Variants in FSIP2 observed in about 807,000 individuals in gnomAD.
FSIP2 encodes the protein fibrous sheath-interacting protein 2.
FSIP2 carries 367 observed loss-of-function variants against 510.5 expected under a neutral mutation model. The ratio of observed to expected loss-of-function variants is 0.72; its 90% CI spans 0.66 to 0.78. FSIP2 has a LOEUF of 0.78. Among genes scored for constraint, FSIP2 ranks in the 30% least tolerant of loss-of-function variants. The probability of loss-of-function intolerance (pLI) is 0.00; values close to 1 mark genes in which losing one functional copy is unlikely to be tolerated. For synonymous variants in FSIP2, 2,601 were observed against 2,732.2 expected, an observed-to-expected ratio of 0.95 and a Z score of 1.50; for missense variants, 7,594 against 7,901.7, an observed-to-expected ratio of 0.96 and a Z score of 1.48.
At chr2:185,749,380 T>A (rs1442169324) in intron 7 of FSIP2, among the ~76,000 whole-genome samples, 2 of 151,990 alleles carry the variant, frequency 1.3e-5, no homozygotes, top group Non-Finnish European at 2.9e-5. Flanking sequence ...CATAAATTCA[T>A]CCCTAGGTAT....
Position 185,805,106 on chromosome 2 carries a change from C to G in FSIP2, c.15800C>G (p.Thr5267Arg). Reference sequence around the variant, plus strand: ...CTTGCTAAATCTGGTAAAGAAAAGACACAGCCTTCTCTCTATTCAGCTACA... The same window carrying G: ...CTTGCTAAATCTGGTAAAGAAAAGAGACAGCCTTCTCTCTATTCAGCTACA... ...SELAKSGKEKTQPSLYSATFL... is the reference protein window; with the variant it reads ...SELAKSGKEKRQPSLYSATFL... Residue 5267 changes from threonine (T) to arginine (R), a missense_variant, in exon 17 of 23, where the codon ACA becomes AGA. Transcript: ENST00000424728. 1.2e-6 allele frequency: 2 copies of G among 1,607,148 alleles called. No individual in the cohort carries two copies. The highest frequency in any genetic ancestry group is 1.7e-6 in the Non-Finnish European group (2 of 1,177,166).
At position 185,806,082 on chromosome 2, in the gene FSIP2, T is replaced by A; in HGVS notation, c.16776T>A (p.Asp5592Glu). 1 of 1,572,892 alleles carries A rather than the reference T, an allele frequency of 6.4e-7. No individual in the cohort carries two copies. The highest frequency in any genetic ancestry group is 8.6e-7 in the Non-Finnish European group (1 of 1,161,310). Residue 5592 changes from aspartate to glutamate, a missense_variant, in exon 17 of 23, where the codon GAT becomes GAA. Asp to Glu is a conservative substitution (Grantham distance 45, BLOSUM62 2). Coordinates refer to ENST00000424728, the MANE Select transcript of FSIP2 (RefSeq NM_173651.4). ...IYTHFSLIID[D>E]TEYEKEVLGS... ...CACATTTTTCATTAATAATTGATGATACAGAATATGAGAAGGAAGTACTTG... is the reference window on the plus strand; with the variant it reads ...CACATTTTTCATTAATAATTGATGAAACAGAATATGAGAAGGAAGTACTTG...
chr2:185,818,005 C>T (rs930880098), intron 19 of FSIP2, among the ~76,000 whole-genome samples: 2 of 151,996 alleles, frequency 1.3e-5, no homozygotes, highest in African/African-American at 2.4e-5. Context: ...ATCCTTAACA[C>T]ACAACACAAA....
At chr2:185,777,619 T>A (rs1285900819) in intron 13 of FSIP2, among the ~76,000 whole-genome samples, 1 of 152,134 alleles carries the variant, frequency 6.6e-6, no homozygotes, top group East Asian at 1.9e-4. Context: ...AGTGGTGAAT[T>A]TTGACTTTTT....
At chr2:185,776,309 A>T (rs73045045) in intron 13 of FSIP2, among the ~76,000 whole-genome samples, 6,818 of 152,014 alleles carry the variant, frequency 0.045, 506 homozygotes, top group African/African-American at 0.16. Flanking sequence ...AATTATAATA[A>T]TAATAGCTTT....
intron 11 of FSIP2, 121 bp from the exon 12 acceptor site, chr2:185,763,062 C>A: frequency 1.7e-6 from 1 of 579,700 alleles, no homozygotes; most frequent in East Asian, 2.8e-5. Context: ...CTGATTGTGG[C>A]AATTCTAGTC....
chr2:185,811,662 C>G (rs1693733335), intron 17 of FSIP2, among the ~76,000 whole-genome samples: 1 of 152,066 alleles, frequency 6.6e-6, no homozygotes, highest in African/African-American at 2.4e-5. Context: ...AAAAGCATTT[C>G]AGAGACCCTC....
intron 14 of FSIP2, among the ~76,000 whole-genome samples, chr2:185,784,818 A>C (rs964947943): frequency 2.0e-5 from 3 of 152,112 alleles, no homozygotes; most frequent in African/African-American, 7.2e-5. Context: ...GAGCCCCAGA[A>C]ACTATAATTC....
chr2:185,779,628 T>G (rs924287348), intron 13 of FSIP2, among the ~76,000 whole-genome samples: 7 of 152,280 alleles, frequency 4.6e-5, no homozygotes, highest in African/African-American at 7.2e-5. Context: ...GTCCAATAGT[T>G]TAAATTTTGA....
Position 185,789,632 on chromosome 2 carries a change from G to A in FSIP2, c.2496G>A (p.Met832Ile). 6.5e-7 allele frequency: 1 copy of A among 1,534,468 alleles called. No individual in the cohort carries two copies. Among genetic ancestry groups the A allele is most frequent in the Non-Finnish European group, 8.7e-7 (1 of 1,145,764 alleles). The change falls in exon 16 of 23, where the codon ATG becomes ATA. Residue 832 changes from methionine to isoleucine, a missense_variant. Coordinates refer to ENST00000424728, the MANE Select transcript of FSIP2 (RefSeq NM_173651.4). ...TGCATGCCATTTTAGAAAAGCTAATGACTCTTGTTTCTTTTAAGCAAAATG... is the reference window on the plus strand; with the variant it reads ...TGCATGCCATTTTAGAAAAGCTAATAACTCTTGTTTCTTTTAAGCAAAATG... ...DMVHAILEKLMTLVSFKQNEF... is the reference protein window; with the variant it reads ...DMVHAILEKLITLVSFKQNEF...
At chr2:185,826,649 T>G (rs1392900815) in intron 20 of FSIP2, among the ~76,000 whole-genome samples, 1 of 151,828 alleles carries the variant, frequency 6.6e-6, no homozygotes, top group Admixed American at 6.6e-5. Context: ...CTCTCTAGAA[T>G]GTAAGCTTCA....
Position 185,796,754 on chromosome 2 carries a change from A to G in FSIP2, c.9618A>G (p.Leu3206=). 6.5e-7 allele frequency: 1 copy of G among 1,535,046 alleles called. No individual in the cohort carries two copies. Among genetic ancestry groups the G allele is most frequent in the Non-Finnish European group, 8.7e-7 (1 of 1,146,260 alleles). ...AAAAGTACAGGGTTTCATCAGATTT[A>G]CCCACCTCTGTCAGATCCTCTGTAG... ...MKEKYRVSSD[L]PTSVRSSVED... Residue 3206 remains leucine, a synonymous_variant, in exon 16 of 23, where the codon TTA becomes TTG. Transcript: ENST00000424728.
At chr2:185,779,888 G>C (rs1286430788) in intron 13 of FSIP2, among the ~76,000 whole-genome samples, 1 of 150,002 alleles carries the variant, frequency 6.7e-6, no homozygotes, top group Non-Finnish European at 1.5e-5. Context: ...GTATTAGAAT[G>C]TCATTATGTC....
rs1559027539 is a variant in FSIP2 at position 185,792,983 on chromosome 2, A to G, written c.5847A>G (p.Pro1949=). ...ATTCTCAAGTCAACTTTACAGTTCC[A>G]GTGGCTTTACCTATTCAGCAAGATC... The part of the protein sequence containing the change: ...LFYSQVNFTV[P]VALPIQQDHS... The change falls in exon 16 of 23, where the codon CCA becomes CCG. Residue 1949 remains proline, a synonymous_variant. Transcript: ENST00000424728. 2 of 1,534,464 alleles carry G rather than the reference A, an allele frequency of 1.3e-6. No individual in the cohort carries two copies. Among genetic ancestry groups the G allele is most frequent in the Admixed American group, 3.9e-5 (2 of 50,874 alleles).
chr2:185,792,213 G>C lies in FSIP2; in HGVS notation c.5077G>C (p.Asp1693His), dbSNP rs1042366194. 3.3e-5 allele frequency: 50 copies of C among 1,532,508 alleles called. No homozygotes were observed. Among genetic ancestry groups the C allele is most frequent in the Non-Finnish European group, 4.2e-5 (48 of 1,144,776 alleles). The allele number at this position is 1,532,508 out of a possible 1,614,324, so 94.9% of individuals were successfully genotyped here. Residue 1693 changes from aspartate to histidine, a missense_variant, in exon 16 of 23, where the codon GAT becomes CAT. Coordinates refer to ENST00000424728, the MANE Select transcript of FSIP2 (RefSeq NM_173651.4). ...GTTAATTTTAGATGCAGTATCTTCC[G>C]ATATGTTTAATGAAATGGAATCTGA... ...VKLILDAVSS[D>H]MFNEMESEGG...
rs1407729052 is a variant in FSIP2, at chr2:185,831,786, AG to A, written c.20518-26del. On this transcript the variant is annotated intron_variant, in intron 21 of 22. Transcript: ENST00000424728. ...AGTGTTTGTGTCCAGTGAAAGACTC[AG>A]TTTGTATTTCAATTTACCTTGGCAG... The A allele has an allele frequency of 2.0e-6, 3 of 1,514,316 alleles. No homozygotes were observed. In the South Asian group the frequency reaches 3.4e-5, roughly 17 times the overall value. 93.8% of individuals were successfully genotyped at this position (1,514,316 alleles called of 1,614,324 possible).
At position 185,793,267 on chromosome 2, in the gene FSIP2, C is replaced by T. The variant is rs1693181847; in HGVS notation, c.6131C>T (p.Ala2044Val). ...SESIASQIVN[A>V]LLDIISRKGK... ...AGTATTGCAAGTCAAATTGTTAACG[C>T]ATTGTTAGACATTATATCACGTAAA... Residue 2044 changes from alanine to valine, a missense_variant, in exon 16 of 23, where the codon GCA becomes GTA. Coordinates refer to ENST00000424728, the MANE Select transcript of FSIP2 (RefSeq NM_173651.4). 6.5e-7 allele frequency: 1 copy of T among 1,533,950 alleles called. No homozygotes were observed. Among genetic ancestry groups the T allele is most frequent in the Non-Finnish European group, 8.7e-7 (1 of 1,145,506 alleles).
In FSIP2 at chr2:185,806,382, T is replaced by G. The variant is rs1435338792; in HGVS notation, c.17076T>G (p.Ser5692=). Residue 5692 remains serine (S), a synonymous_variant, in exon 17 of 23, where the codon TCT becomes TCG. Coordinates refer to ENST00000424728, the MANE Select transcript of FSIP2 (RefSeq NM_173651.4). Reference sequence around the variant, plus strand: ...TTTTTGAAGATGTTTTAGAACTATCTTCTTCTCCAGAACCAGCATATTATT... The same window carrying G: ...TTTTTGAAGATGTTTTAGAACTATCGTCTTCTCCAGAACCAGCATATTATT... ...ENIFEDVLEL[S]SSPEPAYYSK... is the part of the protein sequence containing the mutation. 1 of 1,611,158 alleles carries G rather than the reference T, an allele frequency of 6.2e-7. No individual in the cohort carries two copies. The highest frequency in any genetic ancestry group is 1.7e-4 in the Middle Eastern group (1 of 6,044).
Position 185,804,109 on chromosome 2 carries a change from A to T in FSIP2, c.14803A>T (p.Lys4935Ter), listed in dbSNP as rs1693504864. The change falls in exon 17 of 23, where the codon AAA becomes TAA. Residue 4935 changes from lysine (K) to a stop codon, truncating the protein, a stop_gained. Transcript: ENST00000424728. LOFTEE classifies it high-confidence loss of function. ...QTYKLKAIDP[K>*]QRELSFIVNS... Reference sequence around the variant, plus strand: ...TTATAAATTGAAAGCAATAGATCCTAAACAAAGAGAATTATCTTTTATTGT... The same window carrying T: ...TTATAAATTGAAAGCAATAGATCCTTAACAAAGAGAATTATCTTTTATTGT... 1.3e-6 allele frequency: 2 copies of T among 1,526,268 alleles called. No homozygotes were observed. Among genetic ancestry groups the T allele is most frequent in the East Asian group, 4.9e-5 (2 of 40,682 alleles). The allele number at this position is 1,526,268 out of a possible 1,614,324, so 94.5% of individuals were successfully genotyped here.
Sources: allele counts gnomAD v4.1 joint callset (sites outside exome capture counted in the v4.1 genomes callset), GRCh38; gene constraint gnomAD v4.1.1; transcripts MANE v1.5; gene names NCBI Gene and HGNC (gene_info 2026-07-23, HGNC 2026-07-21).